RNF19A: variants seen among roughly 807,000 people sequenced by gnomAD.
RNF19A encodes E3 ubiquitin-protein ligase RNF19A.
A neutral mutation model predicts 75.7 loss-of-function variants in RNF19A; 32 were observed. The ratio of observed to expected loss-of-function variants is 0.42; its 90% CI spans 0.32 to 0.57. RNF19A has a LOEUF of 0.57. Ranked by LOEUF, RNF19A falls within the 20% of genes least tolerant of loss-of-function variation. The pLI, the probability that RNF19A is intolerant of heterozygous loss-of-function variation, is 0.10. For missense variants in RNF19A, 782 were observed against 1,036.3 expected (o/e 0.75, Z 3.37); for synonymous variants, 335 against 345.2 (o/e 0.97, Z 0.33).
intron 7 of RNF19A, 50 bp downstream of exon 7, chr8:100,263,983 CT>C: frequency 6.6e-7 from 1 of 1,511,680 alleles, no homozygotes; most frequent in Non-Finnish European, 9.0e-7. Flanking sequence ...GGCCTCCCCA[CT>C]ACTTACACTG....
chr8:100,301,412 G>C (rs571364430), intron 1 of RNF19A, among the ~76,000 whole-genome samples: 1 of 152,102 alleles, frequency 6.6e-6, no homozygotes, highest in Non-Finnish European at 1.5e-5. Context: ...TGGTTTCCCC[G>C]AGATGAAGAA....
rs574671632 is a variant in RNF19A at position 100,329,561 on chromosome 8, A to T, written c.-243+6547T>A. ...CTGAACTCAGCAATGGTCAGGCCTC[A>T]TCTGGAGGCTTATATTTAAGCACAT... is the stretch of plus-strand genomic sequence containing the variant. On this transcript the variant is annotated intron_variant, in intron 1 of 3. Transcript: ENST00000519527. This position sits in a 1 kb window ranked among gnomAD's most constrained non-coding sequence, Gnocchi z 4.3. 6.6e-6 allele frequency among the ~76,000 whole-genome samples: 1 copy of T among 152,214 alleles called. No homozygotes were observed. Among genetic ancestry groups the T allele is most frequent in the African/African-American group, 2.4e-5 (1 of 41,442 alleles).
intron 2 of RNF19A, among the ~76,000 whole-genome samples, chr8:100,281,089 T>C (rs1395698209): frequency 6.6e-6 from 1 of 152,168 alleles, no homozygotes; most frequent in Non-Finnish European, 1.5e-5. Context: ...TTTCCTTCCA[T>C]GGTCCATTAT....
rs762143144 is a variant in RNF19A, at chr8:100,257,742, T to G, written c.*814A>C. 1.2e-5 allele frequency: 4 copies of G among 334,936 alleles called. No homozygotes were observed. Among genetic ancestry groups the G allele is most frequent in the Non-Finnish European group, 1.1e-5 (2 of 186,536 alleles). The allele number at this position is 334,936 out of a possible 1,614,324, so 20.7% of individuals were successfully genotyped here. A position where few individuals can be genotyped will look rare whatever the true frequency, so the allele number is the denominator to read the frequency against. On this transcript the variant is annotated 3_prime_UTR_variant, in exon 10 of 10. Transcript: ENST00000341084. ...AAATAACTAGGCCATTAAAACCCAGTCGATCCCAAAGGCACCAAGAATCAA... is the reference window on the plus strand; with the variant it reads ...AAATAACTAGGCCATTAAAACCCAGGCGATCCCAAAGGCACCAAGAATCAA...
upstream of RNF19A, among the ~76,000 whole-genome samples, chr8:100,311,578 C>T (rs894801582): frequency 4.0e-5 from 6 of 151,840 alleles, no homozygotes; most frequent in Admixed American, 1.3e-4. Context: ...ATTAGCTGGG[C>T]GTGGTGGCGG....
rs753039296 is a variant in RNF19A at position 100,259,841 on chromosome 8, G to GT, written c.1826+12dup. On this transcript the variant is annotated intron_variant, in intron 9 of 9. Coordinates refer to ENST00000341084, the MANE Select transcript of RNF19A (RefSeq NM_183419.4). This position sits in a 1 kb window ranked among gnomAD's most constrained non-coding sequence, Gnocchi z 4.5. ...AAAAAATACTTTCAATTTTTTAACA[G>GT]TTTTTTCCTTACTTGTCCAATGGGA... 67 of 1,601,084 alleles carry GT rather than the reference G, an allele frequency of 4.2e-5. No individual in the cohort carries two copies. The East Asian group carries it at 1.4e-3, about 34-fold the overall frequency.
At chr8:100,262,177 G>A (rs895300240) in intron 7 of RNF19A, among the ~76,000 whole-genome samples, 5 of 152,140 alleles carry the variant, frequency 3.3e-5, no homozygotes, top group African/African-American at 1.2e-4. Flanking sequence ...CAATTTTACA[G>A]TACCTCTCAC....
rs964229367 is a variant in RNF19A at position 100,263,937 on chromosome 8, G to A, written c.1468+97C>T. On this transcript the variant is annotated intron_variant, in intron 7 of 9. Transcript: ENST00000341084. ...TGAATACTATTAGGCCTAGTAAAAGGATGGCAATGGAAATTCTGAGTTGCA... is the reference window on the plus strand; with the variant it reads ...TGAATACTATTAGGCCTAGTAAAAGAATGGCAATGGAAATTCTGAGTTGCA... 40 of 996,982 alleles carry A rather than the reference G, an allele frequency of 4.0e-5. No homozygotes were observed. The Admixed American group carries it at 8.4e-4, about 21-fold the overall frequency. The allele number at this position is 996,982 out of a possible 1,614,324, so 61.8% of individuals were successfully genotyped here.
At chr8:100,277,667 G>C (rs573480223) in intron 2 of RNF19A, among the ~76,000 whole-genome samples, 11 of 152,042 alleles carry the variant, frequency 7.2e-5, no homozygotes, top group Non-Finnish European at 1.3e-4. Context: ...TGTTCAAACA[G>C]GACTGAATTA....
chr8:100,309,353 C>T (rs1289853443), intron 1 of RNF19A: 12 of 985,674 alleles, frequency 1.2e-5, no homozygotes, highest in Non-Finnish European at 1.4e-5. Flanking sequence ...GCTTGCGGGG[C>T]GATGTCCCGG....
At chr8:100,326,419 T>C (rs1003431421) in intron 1 of RNF19A, among the ~76,000 whole-genome samples, 1 of 152,308 alleles carries the variant, frequency 6.6e-6, no homozygotes, top group African/African-American at 2.4e-5. Context: ...ATTCCTTTTA[T>C]TTAGCAAATT....
chr8:100,309,985 C>T (rs1290235997), upstream of RNF19A: 2 of 985,572 alleles, frequency 2.0e-6, no homozygotes, highest in African/African-American at 1.7e-5. Context: ...GCCGAGGCGC[C>T]TCTCAACCGG....
Position 100,269,624 on chromosome 8 carries a change from AG to A in RNF19A, c.1028+244del, listed in dbSNP as rs1172409489. On this transcript the variant is annotated intron_variant, in intron 4 of 9. Transcript: ENST00000341084. This position sits in a 1 kb window ranked among gnomAD's most constrained non-coding sequence, Gnocchi z 5.7. ...ATTTATGGGTCTAGCATAATTACAC[AG>A]GGTATTACATACTTACTAGCATTCT... Among the ~76,000 whole-genome samples the A allele has an allele frequency of 6.6e-6, 1 of 152,182 alleles. No homozygotes were observed. Among genetic ancestry groups the A allele is most frequent in the African/African-American group, 2.4e-5 (1 of 41,448 alleles).
intron 1 of RNF19A, chr8:100,303,258 A>G (rs1293078195): frequency 6.6e-6 from 1 of 152,212 alleles, no homozygotes; most frequent in South Asian, 2.1e-4. Context: ...TCTGGTGACT[A>G]TAAGCATTCC....
intron 1 of RNF19A, among the ~76,000 whole-genome samples, chr8:100,298,348 T>G (rs558296402): frequency 1.3e-5 from 2 of 152,150 alleles, no homozygotes; most frequent in African/African-American, 4.8e-5. Flanking sequence ...ATATAAATAA[T>G]GTACAGCTAG....
chr8:100,318,935 G>C (rs1822424847), intron 1 of RNF19A, among the ~76,000 whole-genome samples: 1 of 152,232 alleles, frequency 6.6e-6, no homozygotes, highest in Non-Finnish European at 1.5e-5. Flanking sequence ...ATTATGGCCA[G>C]AAGCACATGG....
intron 1 of RNF19A, among the ~76,000 whole-genome samples, chr8:100,308,967 C>G (rs1822174940): frequency 6.6e-6 from 1 of 152,216 alleles, no homozygotes; most frequent in Non-Finnish European, 1.5e-5. Context: ...ACGTTTCTCT[C>G]TCCCATATAT....
Position 100,317,874 on chromosome 8 carries a change from T to C in RNF19A, c.-242-4502A>G, listed in dbSNP as rs1387870315. Among the ~76,000 whole-genome samples, 1 of 152,136 alleles carries C rather than the reference T, an allele frequency of 6.6e-6. No homozygotes were observed. Among genetic ancestry groups the C allele is most frequent in the East Asian group, 1.9e-4 (1 of 5,198 alleles). Reference sequence around the variant, plus strand: ...GATTATTAACAGTACCCTCTTTCATTCTCAAAGTGTCCTGAGTTAGACAAT... The same window carrying C: ...GATTATTAACAGTACCCTCTTTCATCCTCAAAGTGTCCTGAGTTAGACAAT... On this transcript the variant is annotated intron_variant, in intron 1 of 3. Transcript: ENST00000519527. The surrounding 1 kb of genome is among the most constrained non-coding windows in gnomAD (Gnocchi z 4.3).
intron 1 of RNF19A, among the ~76,000 whole-genome samples, chr8:100,298,274 A>T (rs920776002): frequency 2.6e-5 from 4 of 152,156 alleles, no homozygotes; most frequent in African/African-American, 9.7e-5. Context: ...GGCTTCCCTA[A>T]TGAACAGGCA....
Sources: allele counts gnomAD v4.1 joint callset (sites outside exome capture counted in the v4.1 genomes callset), GRCh38; gene constraint gnomAD v4.1.1; non-coding constraint Gnocchi (gnomAD v3.1); transcripts MANE v1.5; gene names NCBI Gene and HGNC (gene_info 2026-07-23, HGNC 2026-07-21).